The following SLCO6A1 variants were observed in gnomAD, a reference collection of about 807,000 sequenced individuals.
The protein encoded by SLCO6A1 is solute carrier organic anion transporter family member 6A1.
SLCO6A1 carries 65 observed loss-of-function variants against 72.7 expected under a neutral mutation model. The observed-to-expected ratio is 0.89, with a 90% confidence interval of 0.73 to 1.10. SLCO6A1 has a LOEUF of 1.10. Among genes scored for constraint, SLCO6A1 ranks in the 50% least tolerant of loss-of-function variants. The probability of loss-of-function intolerance (pLI) is 0.00; values close to 1 mark genes in which losing one functional copy is unlikely to be tolerated. For missense variants in SLCO6A1, 874 were observed against 872.6 expected (o/e 1.00, Z -0.02); for synonymous variants, 314 against 298.2 (o/e 1.05, Z -0.55).
At chr5:102,448,506 G>A (rs1394285675) in intron 6 of SLCO6A1, among the ~76,000 whole-genome samples, 2 of 152,132 alleles carry the variant, frequency 1.3e-5, no homozygotes, top group Non-Finnish European at 2.9e-5. Flanking sequence ...AGTTATCTAA[G>A]TCTCTTCATA....
rs368398296 is a variant in SLCO6A1 at position 102,459,782 on chromosome 5, A to G, written c.900-5T>C. ...CTACCATTATTGACTGTAGTGCTTT[A>G]ATAAAGAAAAGTGAAAAAAAAAAGC... On this transcript the variant is annotated splice_polypyrimidine_tract_variant and splice_region_variant and intron_variant, in intron 4 of 13. Coordinates refer to ENST00000506729, the MANE Select transcript of SLCO6A1 (RefSeq NM_173488.5). The G allele has an allele frequency of 1.4e-5, 22 of 1,565,536 alleles. No homozygotes were observed. The highest frequency in any genetic ancestry group is 1.9e-5 in the Non-Finnish European group (22 of 1,164,670).
intron 4 of SLCO6A1, among the ~76,000 whole-genome samples, chr5:102,475,250 T>C (rs55912935): frequency 0.26 from 39,029 of 151,984 alleles, 5,762 homozygotes; most frequent in South Asian, 0.35. Context: ...AGTGGAGTAT[T>C]ATTCAGCCTT....
At position 102,423,719 on chromosome 5, in the gene SLCO6A1, T is replaced by C. The variant is rs143771523; in HGVS notation, c.1277-3698A>G. Among the ~76,000 whole-genome samples, 585 of 152,104 alleles carry C rather than the reference T, an allele frequency of 3.8e-3. 3 individuals are homozygous for C. Among genetic ancestry groups the C allele is most frequent in the Non-Finnish European group, 7.2e-3 (487 of 67,930 alleles). On this transcript the variant is annotated intron_variant, in intron 7 of 13. Coordinates refer to ENST00000506729, the MANE Select transcript of SLCO6A1 (RefSeq NM_173488.5). Reference sequence around the variant, plus strand: ...GTCAATATTAGACAGATCAACGAGATAGAAAATTAACAAGGATATTCAGGA... The same window carrying C: ...GTCAATATTAGACAGATCAACGAGACAGAAAATTAACAAGGATATTCAGGA...
intron 10 of SLCO6A1, among the ~76,000 whole-genome samples, chr5:102,395,819 G>T (rs968477539): frequency 2.0e-5 from 3 of 152,096 alleles, no homozygotes; most frequent in East Asian, 1.9e-4. Context: ...TCATGTGTCT[G>T]TTGGCTGTAA....
intron 12 of SLCO6A1, among the ~76,000 whole-genome samples, chr5:102,380,773 T>G (rs1004506842): frequency 1.3e-5 from 2 of 152,068 alleles, no homozygotes; most frequent in Admixed American, 1.3e-4. Context: ...TAAATGTAAA[T>G]TTAAATAGCC....
intron 10 of SLCO6A1, among the ~76,000 whole-genome samples, chr5:102,396,764 C>A (rs1029685878): frequency 2.0e-5 from 3 of 152,248 alleles, no homozygotes; most frequent in Non-Finnish European, 2.9e-5. Flanking sequence ...CTTCTCCCAA[C>A]TTCTTCCAAT....
At chr5:102,474,947 G>T (rs1751818828) in intron 4 of SLCO6A1, among the ~76,000 whole-genome samples, 1 of 151,966 alleles carries the variant, frequency 6.6e-6, no homozygotes, top group Admixed American at 6.6e-5. Flanking sequence ...TATTGGTGAG[G>T]ATGTGGAGAA....
intron 7 of SLCO6A1, among the ~76,000 whole-genome samples, chr5:102,434,867 C>G (rs1580421067): frequency 6.6e-6 from 1 of 151,976 alleles, no homozygotes; most frequent in East Asian, 1.9e-4. Flanking sequence ...TTACAGATAA[C>G]AGTTCCAGCA....
At chr5:102,463,881 C>T (rs907271446) in intron 4 of SLCO6A1, among the ~76,000 whole-genome samples, 1 of 137,964 alleles carries the variant, frequency 7.2e-6, no homozygotes, top group East Asian at 2.0e-4. Flanking sequence ...AGTGAAACTC[C>T]GTCTCAAAAA....
intron 10 of SLCO6A1, among the ~76,000 whole-genome samples, chr5:102,398,530 T>A (rs1437647835): frequency 6.6e-6 from 1 of 152,108 alleles, no homozygotes; most frequent in Non-Finnish European, 1.5e-5. Context: ...TCCCCTCAGC[T>A]CCATCTTTCA....
At chr5:102,437,681 A>G (rs2112676662) in intron 7 of SLCO6A1, among the ~76,000 whole-genome samples, 1 of 152,194 alleles carries the variant, frequency 6.6e-6, no homozygotes, top group Non-Finnish European at 1.5e-5. Context: ...TACTCCATAA[A>G]AGGTTTAGAT....
At chr5:102,407,178 T>C (rs541678029) in intron 9 of SLCO6A1, among the ~76,000 whole-genome samples, 3 of 152,326 alleles carry the variant, frequency 2.0e-5, no homozygotes, top group South Asian at 4.1e-4. Flanking sequence ...CCATGTCAGC[T>C]TGCCATTGCC....
At chr5:102,407,696 C>T (rs1020031879) in intron 9 of SLCO6A1, among the ~76,000 whole-genome samples, 11 of 152,130 alleles carry the variant, frequency 7.2e-5, no homozygotes, top group Non-Finnish European at 1.3e-4. Context: ...TTCTCTGTTG[C>T]TGACACTGAA....
chr5:102,421,338 C>T (rs993470397), intron 7 of SLCO6A1, among the ~76,000 whole-genome samples: 3 of 152,144 alleles, frequency 2.0e-5, no homozygotes, highest in African/African-American at 4.8e-5. Flanking sequence ...GCAGGTTCCA[C>T]TCCCATGGAG....
intron 8 of SLCO6A1, among the ~76,000 whole-genome samples, chr5:102,415,529 CCT>C (rs1561442286): frequency 6.6e-6 from 1 of 152,022 alleles, no homozygotes; most frequent in Admixed American, 6.6e-5. Context: ...AAAATGGACC[CCT>C]GTCTGTCACC....
intron 8 of SLCO6A1, among the ~76,000 whole-genome samples, chr5:102,418,518 C>T (rs1008920034): frequency 3.3e-5 from 5 of 152,030 alleles, no homozygotes; most frequent in Admixed American, 6.6e-5. Flanking sequence ...TTTATTAATT[C>T]TATTTTCTCT....
chr5:102,421,162 C>T (rs952593145), intron 7 of SLCO6A1, among the ~76,000 whole-genome samples: 1 of 152,092 alleles, frequency 6.6e-6, no homozygotes, highest in Non-Finnish European at 1.5e-5. Flanking sequence ...ACCACCAGGG[C>T]CCTGGGTTTC....
chr5:102,445,633 C>T (rs1422472432), intron 6 of SLCO6A1, among the ~76,000 whole-genome samples: 4 of 152,014 alleles, frequency 2.6e-5, no homozygotes, highest in Admixed American at 1.3e-4. Context: ...GAGTCTCCAT[C>T]GTGTCTTTGC....
At chr5:102,417,267 T>C (rs569998853) in intron 8 of SLCO6A1, among the ~76,000 whole-genome samples, 8 of 152,192 alleles carry the variant, frequency 5.3e-5, no homozygotes, top group Non-Finnish European at 1.2e-4. Context: ...GCATATATAG[T>C]TGGGTCTTCT....
Sources: allele counts gnomAD v4.1 joint callset (sites outside exome capture counted in the v4.1 genomes callset), GRCh38; gene constraint gnomAD v4.1.1; transcripts MANE v1.5; gene names NCBI Gene and HGNC (gene_info 2026-07-23, HGNC 2026-07-21).